The following IFT74 variants were observed in gnomAD, a reference collection of about 807,000 sequenced individuals.
IFT74 encodes the protein intraflagellar transport 74, also known as intraflagellar transport protein 74 homolog.
IFT74 carries 92 observed loss-of-function variants against 96.7 expected under a neutral mutation model. That is an observed-to-expected ratio of 0.95 (90% CI 0.80 to 1.13). The LOEUF (loss-of-function observed/expected upper bound fraction) is 1.13, where lower values mean the gene tolerates loss of function less well. Among genes scored for constraint, IFT74 ranks in the 50% most tolerant of loss-of-function variants. The probability of loss-of-function intolerance (pLI) is 0.00; values close to 1 mark genes in which losing one functional copy is unlikely to be tolerated. For missense variants in IFT74, 811 were observed against 698.2 expected, an observed-to-expected ratio of 1.16 and a Z score of -1.82; for synonymous variants, 223 against 213.2, an observed-to-expected ratio of 1.05 and a Z score of -0.40.
intron 16 of IFT74, among the ~76,000 whole-genome samples, chr9:27,049,868 A>C (rs919624531): frequency 6.6e-6 from 1 of 152,204 alleles, no homozygotes; most frequent in Non-Finnish European, 1.5e-5. Flanking sequence ...ATGACAGTAT[A>C]TATTATATTT....
At chr9:27,027,294 C>T (rs1012022284) in intron 12 of IFT74, among the ~76,000 whole-genome samples, 3 of 151,826 alleles carry the variant, frequency 2.0e-5, no homozygotes, top group African/African-American at 4.8e-5. Flanking sequence ...AGACCATTAA[C>T]GAGCAGTGAG....
At chr9:27,037,097 G>A (rs1279729875) in intron 13 of IFT74, among the ~76,000 whole-genome samples, 2 of 151,848 alleles carry the variant, frequency 1.3e-5, no homozygotes, top group African/African-American at 2.4e-5. Context: ...GTGGGCACCT[G>A]TAATCCCAGC....
In IFT74 at chr9:27,065,292, CA is replaced by C. The variant is rs927617349; in HGVS notation, c.*2559del. On this transcript the variant is annotated 3_prime_UTR_variant, in exon 20 of 20. Transcript: ENST00000380062. ...CTTCCTTCCTCTGAGAGCCTTTCCA[CA>C]AATCCAACAAGAATATTCTCTTTAC... Among the ~76,000 whole-genome samples the C allele has an allele frequency of 4.4e-4, 67 of 152,236 alleles. No homozygotes were observed. The highest frequency in any genetic ancestry group is 1.4e-3 in the African/African-American group (57 of 41,550).
At chr9:27,032,657 G>C (rs994600531) in intron 13 of IFT74, among the ~76,000 whole-genome samples, 6 of 152,048 alleles carry the variant, frequency 3.9e-5, no homozygotes, top group Admixed American at 3.9e-4. Context: ...CATGAGGTCA[G>C]GAGTTCGAGA....
intron 1 of IFT74, among the ~76,000 whole-genome samples, chr9:26,948,492 A>T (rs1825828600): frequency 2.0e-5 from 1 of 50,820 alleles, no homozygotes; most frequent in Admixed American, 3.2e-4. Context: ...TTTTTTTGAG[A>T]CGGAGTGTCG....
chr9:26,947,216 G>T, intron 1 of IFT74: 1 of 696,766 alleles, frequency 1.4e-6, no homozygotes, highest in Non-Finnish European at 2.3e-6. Context: ...GGGGCGCGCC[G>T]AGCGGGCCGA....
At chr9:26,952,181 A>T (rs950358198), upstream of IFT74, among the ~76,000 whole-genome samples, 1 of 152,080 alleles carries the variant, frequency 6.6e-6, no homozygotes, top group African/African-American at 2.4e-5. Flanking sequence ...TTGAAATATT[A>T]TCTAGATAAT....
chr9:27,053,353 A>C (rs1820018550), intron 16 of IFT74, among the ~76,000 whole-genome samples: 1 of 152,004 alleles, frequency 6.6e-6, no homozygotes, highest in Non-Finnish European at 1.5e-5. Flanking sequence ...TTCTTAGGGA[A>C]TCAATAATGT....
At chr9:26,996,359 T>C (rs775823148) in intron 8 of IFT74, 1 of 1,608,308 alleles carries the variant, frequency 6.2e-7, no homozygotes, top group Non-Finnish European at 8.5e-7. Flanking sequence ...ATTGAATTGC[T>C]GATGGGCTGA....
chr9:27,007,354 T>A (rs1208303482), intron 8 of IFT74, among the ~76,000 whole-genome samples: 1 of 152,230 alleles, frequency 6.6e-6, no homozygotes, highest in East Asian at 1.9e-4. Flanking sequence ...ACACTGTTGG[T>A]AGTCAGTAAT....
intron 13 of IFT74, among the ~76,000 whole-genome samples, chr9:27,034,124 G>C (rs1188173099): frequency 6.6e-6 from 1 of 152,094 alleles, no homozygotes; most frequent in East Asian, 1.9e-4. Flanking sequence ...GGATTATTGG[G>C]CATTATTACT....
chr9:27,017,336 C>A (rs571860906), intron 11 of IFT74, among the ~76,000 whole-genome samples: 1 of 152,238 alleles, frequency 6.6e-6, no homozygotes, highest in South Asian at 2.1e-4. Context: ...GATCCTCCAC[C>A]TCAGCCTCCC....
chr9:26,995,313 T>TA, intron 8 of IFT74: 1 of 473,156 alleles, frequency 2.1e-6, no homozygotes, highest in Non-Finnish European at 3.8e-6. Context: ...GTAGACTATG[T>TA]AACTGTCAAC....
At chr9:27,058,103 T>A (rs2131708439) in intron 18 of IFT74, among the ~76,000 whole-genome samples, 1 of 152,112 alleles carries the variant, frequency 6.6e-6, no homozygotes, top group Admixed American at 6.5e-5. Flanking sequence ...CTTTTTTTTT[T>A]TTTCAAACAG....
intron 18 of IFT74, among the ~76,000 whole-genome samples, chr9:27,059,842 A>T (rs1205260845): frequency 6.6e-6 from 1 of 152,218 alleles, no homozygotes; most frequent in Non-Finnish European, 1.5e-5. Flanking sequence ...AATAATCATT[A>T]CTTCTTTGAA....
At chr9:27,025,796 C>T (rs755759488) in intron 12 of IFT74, among the ~76,000 whole-genome samples, 2 of 152,122 alleles carry the variant, frequency 1.3e-5, no homozygotes, top group African/African-American at 2.4e-5. Context: ...GAGAATTCAC[C>T]ACTACCAAGG....
chr9:27,044,006 T>C (rs1381664110), intron 13 of IFT74, among the ~76,000 whole-genome samples: 1 of 152,236 alleles, frequency 6.6e-6, no homozygotes, highest in Non-Finnish European at 1.5e-5. Flanking sequence ...GTAATTGTCC[T>C]TAGGAGAAAG....
At chr9:27,025,893 A>G (rs1829842772) in intron 12 of IFT74, among the ~76,000 whole-genome samples, 1 of 152,186 alleles carries the variant, frequency 6.6e-6, no homozygotes, top group Non-Finnish European at 1.5e-5. Context: ...TAAATCATAA[A>G]TCTCACAGGG....
intron 13 of IFT74, among the ~76,000 whole-genome samples, chr9:27,039,964 C>T (rs1191879052): frequency 1.3e-5 from 2 of 152,112 alleles, no homozygotes; most frequent in East Asian, 3.9e-4. Flanking sequence ...GCCCCCACAA[C>T]TAATTAAAAT....
Sources: allele counts gnomAD v4.1 joint callset (sites outside exome capture counted in the v4.1 genomes callset), GRCh38; gene constraint gnomAD v4.1.1; transcripts MANE v1.5; gene names NCBI Gene and HGNC (gene_info 2026-07-23, HGNC 2026-07-21).